The following KIF5C variants were observed in gnomAD, a reference collection of about 807,000 sequenced individuals.
KIF5C encodes kinesin family member 5C, also known as kinesin heavy chain isoform 5C.
A neutral mutation model predicts 125.2 loss-of-function variants in KIF5C; 18 were observed. The ratio of observed to expected loss-of-function variants is 0.14; its 90% CI spans 0.10 to 0.21. The LOEUF (loss-of-function observed/expected upper bound fraction) is 0.21, where lower values mean the gene tolerates loss of function less well. Ranked by LOEUF, KIF5C falls within the 10% of genes least tolerant of loss-of-function variation. KIF5C has a pLI of 1.00. For missense variants in KIF5C, 780 were observed against 1,183.8 expected (o/e 0.66, Z 5.01); for synonymous variants, 405 against 434.0 (o/e 0.93, Z 0.83).
At chr2:149,015,305 T>C (rs1453228487) in intron 25 of KIF5C, among the ~76,000 whole-genome samples, 1 of 152,284 alleles carries the variant, frequency 6.6e-6, no homozygotes, top group South Asian at 2.1e-4. Context: ...GGAATTGCAA[T>C]TGAAAAGTAA....
chr2:148,892,638 G>A (rs565560675), intron 1 of KIF5C, among the ~76,000 whole-genome samples: 20 of 152,282 alleles, frequency 1.3e-4, no homozygotes, highest in Admixed American at 9.1e-4. Context: ...TCCTCTCAGG[G>A]TGTGGTGCAT....
intron 15 of KIF5C, among the ~76,000 whole-genome samples, chr2:148,984,153 A>C (rs982332665): frequency 1.3e-5 from 2 of 152,230 alleles, no homozygotes; most frequent in Non-Finnish European, 2.9e-5. Flanking sequence ...AGTGAAGTGA[A>C]AATTCTCCAA....
chr2:148,908,128 T>C (rs1486609608), intron 1 of KIF5C, among the ~76,000 whole-genome samples: 2 of 152,250 alleles, frequency 1.3e-5, no homozygotes, highest in Non-Finnish European at 2.9e-5. Flanking sequence ...TCCCAATCTT[T>C]ACCAGAGTTG....
chr2:149,024,515 A>C lies in KIF5C; in HGVS notation c.*1445A>C, dbSNP rs534930606. The C allele has an allele frequency of 7.9e-6, 1 of 126,438 alleles. No homozygotes were observed. Among genetic ancestry groups the C allele is most frequent in the East Asian group, 2.4e-4 (1 of 4,244 alleles). The allele number at this position is 126,438 out of a possible 1,614,324, so 7.8% of individuals were successfully genotyped here. ...GACTGTGTGGGTCGAAGGTAGCTCA[A>C]GTGTGTGTGTGTGTGTGTGTGTGTG... On this transcript the variant is annotated 3_prime_UTR_variant, in exon 26 of 26. Coordinates refer to ENST00000435030, the MANE Select transcript of KIF5C (RefSeq NM_004522.3).
intron 4 of KIF5C, among the ~76,000 whole-genome samples, chr2:148,938,262 CT>C (rs1339178424): frequency 1.3e-5 from 2 of 152,128 alleles, no homozygotes; most frequent in Non-Finnish European, 2.9e-5. Flanking sequence ...CCCTGTTTTT[CT>C]TTTTAAACTT....
intron 11 of KIF5C, among the ~76,000 whole-genome samples, chr2:148,965,605 CTG>C: frequency 6.6e-6 from 1 of 152,188 alleles, no homozygotes; most frequent in Non-Finnish European, 1.5e-5. Context: ...AACAGTAACT[CTG>C]TGTCTCATGC....
chr2:148,974,689 A>G (rs1253050181), intron 12 of KIF5C, among the ~76,000 whole-genome samples: 1 of 152,246 alleles, frequency 6.6e-6, no homozygotes, highest in Non-Finnish European at 1.5e-5. Flanking sequence ...TTAACAGTAT[A>G]TGCAATTTCT....
At chr2:148,915,285 T>TTAG (rs1400606071) in intron 1 of KIF5C, among the ~76,000 whole-genome samples, 2 of 152,274 alleles carry the variant, frequency 1.3e-5, no homozygotes, top group South Asian at 2.1e-4. Flanking sequence ...CTGGCAGGTA[T>TTAG]TAGTCATCAT....
chr2:148,878,051 A>G (rs910498888), intron 1 of KIF5C: 1 of 152,220 alleles, frequency 6.6e-6, no homozygotes, highest in African/African-American at 2.4e-5. Context: ...ATAATCCTTT[A>G]ATACAACAGT....
In KIF5C at chr2:148,999,784, G is replaced by T. The variant is rs570514923; in HGVS notation, c.2211-639G>T. Among the ~76,000 whole-genome samples, 4 of 152,368 alleles carry T rather than the reference G, an allele frequency of 2.6e-5. No homozygotes were observed. In the South Asian group the frequency reaches 8.3e-4, roughly 32 times the overall value. ...AAATGGACTCTGGGTTTTCCTTCTG[G>T]TAGTGCATAGCTGTTCCTTTACAGG... On this transcript the variant is annotated intron_variant, in intron 19 of 25. Transcript: ENST00000435030.
At chr2:148,967,310 A>G (rs1558922664) in intron 11 of KIF5C, among the ~76,000 whole-genome samples, 1 of 152,066 alleles carries the variant, frequency 6.6e-6, no homozygotes, top group Non-Finnish European at 1.5e-5. Context: ...TGATTCGCAG[A>G]CTCCAAAGCA....
intron 2 of KIF5C, among the ~76,000 whole-genome samples, chr2:148,923,269 C>G (rs533807969): frequency 1.3e-5 from 2 of 152,176 alleles, no homozygotes; most frequent in African/African-American, 4.8e-5. Context: ...TACATCTGTT[C>G]GTTTAATTCT....
At chr2:148,879,953 A>G (rs1681300875) in intron 1 of KIF5C, 1 of 152,212 alleles carries the variant, frequency 6.6e-6, no homozygotes, top group Admixed American at 6.5e-5. Context: ...TCTTGGCAGT[A>G]GATGGATGGG....
chr2:148,887,990 C>T (rs1400418312), intron 1 of KIF5C, among the ~76,000 whole-genome samples: 1 of 152,258 alleles, frequency 6.6e-6, no homozygotes. Context: ...TGCGACCCCG[C>T]GGGTCCCCGC....
chr2:148,910,190 ATCTATAAAAGGGTAAG>A (rs1415348116), intron 1 of KIF5C, among the ~76,000 whole-genome samples: 1 of 152,250 alleles, frequency 6.6e-6, no homozygotes, highest in Non-Finnish European at 1.5e-5. Context: ...ATAACTAAAA[ATCTATAAAAGGGTAAG>A]ATAAGTTATA....
chr2:149,025,670 C>T lies in KIF5C; in HGVS notation c.*2600C>T, dbSNP rs910196237. On this transcript the variant is annotated 3_prime_UTR_variant, in exon 26 of 26. Transcript: ENST00000435030. ...CTTCTTGAAAGTTTACTCTTTGATG[C>T]TCTAAGAGAACAGCCAGATGGTTTA... is the stretch of plus-strand genomic sequence containing the variant. The T allele has an allele frequency of 3.3e-5, 5 of 152,190 alleles. No individual in the cohort carries two copies. Among genetic ancestry groups the T allele is most frequent in the Admixed American group, 6.5e-5 (1 of 15,274 alleles). 9.4% of individuals were successfully genotyped at this position (152,190 alleles called of 1,614,324 possible).
chr2:148,942,607 C>T (rs1682433511), intron 6 of KIF5C, 66 bp from the exon 7 acceptor site: 1 of 1,549,764 alleles, frequency 6.5e-7, no homozygotes, highest in East Asian at 2.4e-5. Context: ...GAAAATGTTT[C>T]AGCCTTTCAA....
chr2:148,895,497 T>C (rs1681814188), intron 1 of KIF5C, among the ~76,000 whole-genome samples: 1 of 141,330 alleles, frequency 7.1e-6, no homozygotes, highest in East Asian at 1.9e-4. Context: ...AAATGATAGA[T>C]TGTTTACTTT....
At chr2:148,933,614 G>A (rs1005820251) in intron 3 of KIF5C, among the ~76,000 whole-genome samples, 1 of 140,020 alleles carries the variant, frequency 7.1e-6, no homozygotes, top group Non-Finnish European at 1.5e-5. Flanking sequence ...GTCACACACA[G>A]ACATACCATA....
Sources: gnomAD v4.1 joint callset for allele counts (sites outside exome capture counted in the v4.1 genomes callset) on GRCh38, gnomAD v4.1.1 for gene constraint, MANE v1.5 for transcripts, NCBI Gene and HGNC (gene_info 2026-07-23, HGNC 2026-07-21) for gene names.